The following GNAI3 variants were observed in gnomAD, a reference collection of about 807,000 sequenced individuals.
GNAI3 encodes the protein guanine nucleotide-binding protein G(i) subunit alpha-3.
Under a neutral mutation model 41.8 loss-of-function variants are expected in GNAI3, and 12 were observed. The ratio of observed to expected loss-of-function variants is 0.29; its 90% CI spans 0.18 to 0.47. The LOEUF is 0.47. Among genes scored for constraint, GNAI3 ranks in the 20% least tolerant of loss-of-function variants. The pLI is 1.00. For missense variants in GNAI3, 360 were observed against 429.6 expected (o/e 0.84, Z 1.43); for synonymous variants, 132 against 146.5 (o/e 0.90, Z 0.71).
Position 109,597,074 on chromosome 1 carries a change from T to C in GNAI3, c.*4752T>C, listed in dbSNP as rs2101116615. 2.0e-5 allele frequency: 3 copies of C among 152,322 alleles called. No individual in the cohort carries two copies. In the Middle Eastern group the frequency reaches 0.01, roughly 518 times the overall value. 9.4% of individuals were successfully genotyped at this position (152,322 alleles called of 1,614,324 possible). On this transcript the variant is annotated 3_prime_UTR_variant, in exon 9 of 9. Transcript: ENST00000369851. ...AAATCCAAAATGCCCCAGTGTGTGC[T>C]TCCTTTGAGTGTTATGTTGTTACCC...
chr1:109,575,473 C>T (rs1648712605), intron 3 of GNAI3, among the ~76,000 whole-genome samples: 1 of 150,740 alleles, frequency 6.6e-6, no homozygotes, highest in Admixed American at 6.6e-5. Context: ...TTTCTCTTTC[C>T]CTCTTTAATT....
rs1649369600 is a variant in GNAI3 at position 109,598,472 on chromosome 1, A to G, written c.*6150A>G. 6.4e-6 allele frequency: 1 copy of G among 155,138 alleles called. No individual in the cohort carries two copies. Among genetic ancestry groups the G allele is most frequent in the Non-Finnish European group, 1.4e-5 (1 of 69,740 alleles). The allele number at this position is 155,138 out of a possible 1,614,324, so 9.6% of individuals were successfully genotyped here. A position where few individuals can be genotyped will look rare whatever the true frequency, so the allele number is the denominator to read the frequency against. On this transcript the variant is annotated 3_prime_UTR_variant, in exon 9 of 9. Transcript: ENST00000369851. ...GTGGTTCTCATCAGATAGAAATAAC[A>G]TATTTGAAAATGCTTTGTAAATGTT...
intron 1 of GNAI3, among the ~76,000 whole-genome samples, chr1:109,550,852 C>T (rs1571144649): frequency 6.6e-6 from 1 of 152,030 alleles, no homozygotes; most frequent in Non-Finnish European, 1.5e-5. Context: ...CTTTATTGAT[C>T]GATTGGTTAT....
intron 7 of GNAI3, among the ~76,000 whole-genome samples, chr1:109,590,904 T>C (rs992976415): frequency 1.3e-5 from 2 of 152,184 alleles, no homozygotes; most frequent in African/African-American, 2.4e-5. Flanking sequence ...TGGTCTTCTT[T>C]ATATCTTTGT....
Position 109,592,451 on chromosome 1 carries a change from C to T in GNAI3, c.*129C>T, listed in dbSNP as rs1426727330. 2.5e-6 allele frequency: 1 copy of T among 399,908 alleles called. No individual in the cohort carries two copies. The highest frequency in any genetic ancestry group is 3.5e-5 in the East Asian group (1 of 28,476). 24.8% of individuals were successfully genotyped at this position (399,908 alleles called of 1,614,324 possible). ...GGCAGCAGCATGCAGAATCTTAGCA[C>T]TCTTTAGCACAATATTTTGTATTAG... On this transcript the variant is annotated 3_prime_UTR_variant, in exon 9 of 9. Coordinates refer to ENST00000369851, the MANE Select transcript of GNAI3 (RefSeq NM_006496.4).
At position 109,582,440 on chromosome 1, in the gene GNAI3, T is replaced by C. The variant is rs1648919521; in HGVS notation, c.465T>C (p.Tyr155=). The change falls in exon 5 of 9, where the codon TAT becomes TAC. Residue 155 remains tyrosine, a synonymous_variant. Coordinates refer to ENST00000369851, the MANE Select transcript of GNAI3 (RefSeq NM_006496.4). ...EYQLNDSASY[Y]LNDLDRISQS... ...AGTAAACGTGTCTTTTATTTAGTTA[T>C]CTAAATGATCTGGATAGAATATCCC... 6.2e-7 allele frequency: 1 copy of C among 1,605,814 alleles called. No homozygotes were observed. The highest frequency in any genetic ancestry group is 8.5e-7 in the Non-Finnish European group (1 of 1,172,804).
chr1:109,548,897 C>T (rs1647901309), intron 1 of GNAI3, 59 bp downstream of exon 1: 5 of 1,157,318 alleles, frequency 4.3e-6, no homozygotes, highest in African/African-American at 1.5e-5. Flanking sequence ...GCTTGGAAGG[C>T]CTGAACGGGG....
At chr1:109,573,619 C>T in intron 1 of GNAI3, 118 bp from the exon 2 acceptor site, 1 of 765,636 alleles carries the variant, frequency 1.3e-6, no homozygotes, top group East Asian at 2.5e-5. Flanking sequence ...ATGAAAGCCT[C>T]ACCAAAATTT....
At chr1:109,586,190 A>T (rs1205611590) in intron 5 of GNAI3, 26 bp from the exon 6 acceptor site, 4 of 1,609,338 alleles carry the variant, frequency 2.5e-6, no homozygotes, top group Non-Finnish European at 8.5e-7. Context: ...GACCTTGCTG[A>T]ATTTGCTTTC....
chr1:109,600,114 G>T lies in GNAI3; in HGVS notation c.*7792G>T. On this transcript the variant is annotated 3_prime_UTR_variant, in exon 9 of 9. Coordinates refer to ENST00000369851, the MANE Select transcript of GNAI3 (RefSeq NM_006496.4). ...TGCCAGAAAATAGGGTTAAATATTT[G>T]TTTCTGATCTGGTTACAAAAAAAAA... 1 of 142,174 alleles carries T rather than the reference G, an allele frequency of 7.0e-6. No individual in the cohort carries two copies. The allele number at this position is 142,174 out of a possible 1,614,324, so 8.8% of individuals were successfully genotyped here.
At chr1:109,585,142 C>T (rs1649001606) in intron 5 of GNAI3, among the ~76,000 whole-genome samples, 1 of 152,172 alleles carries the variant, frequency 6.6e-6, no homozygotes, top group African/African-American at 2.4e-5. Context: ...TACATTAAAC[C>T]AGTTTGGCAG....
Position 109,597,684 on chromosome 1 carries a change from A to G in GNAI3, c.*5362A>G, listed in dbSNP as rs1321933168. 6.6e-6 allele frequency: 1 copy of G among 152,174 alleles called. No homozygotes were observed. Among genetic ancestry groups the G allele is most frequent in the Non-Finnish European group, 1.5e-5 (1 of 68,018 alleles). 9.4% of individuals were successfully genotyped at this position (152,174 alleles called of 1,614,324 possible). A position where few individuals can be genotyped will look rare whatever the true frequency, so the allele number is the denominator to read the frequency against. ...ATTTAGTTTTATACAAAATTAAGAC[A>G]ACAAGAAACCTAGGATGTCCAAACA... On this transcript the variant is annotated 3_prime_UTR_variant, in exon 9 of 9. Transcript: ENST00000369851.
In GNAI3 at chr1:109,595,517, A is replaced by G. The variant is rs1185677771; in HGVS notation, c.*3195A>G. 1 of 152,154 alleles carries G rather than the reference A, an allele frequency of 6.6e-6. No homozygotes were observed. Among genetic ancestry groups the G allele is most frequent in the African/African-American group, 2.4e-5 (1 of 41,434 alleles). The allele number at this position is 152,154 out of a possible 1,614,324, so 9.4% of individuals were successfully genotyped here. A position where few individuals can be genotyped will look rare whatever the true frequency, so the allele number is the denominator to read the frequency against. On this transcript the variant is annotated 3_prime_UTR_variant, in exon 9 of 9. Coordinates refer to ENST00000369851, the MANE Select transcript of GNAI3 (RefSeq NM_006496.4). ...TGCCTTGTTTTTTTAATTTTCATAT[A>G]TATTCTATTTGTTGTATATACACAT...
Position 109,593,647 on chromosome 1 carries a change from T to G in GNAI3, c.*1325T>G, listed in dbSNP as rs1222793081. ...AGGGTTTCCTGAAAGTCTAGTCTTT[T>G]GGTGTAATAGTATTGTTGAACCTTA... On this transcript the variant is annotated 3_prime_UTR_variant, in exon 9 of 9. Coordinates refer to ENST00000369851, the MANE Select transcript of GNAI3 (RefSeq NM_006496.4). 1 of 152,668 alleles carries G rather than the reference T, an allele frequency of 6.6e-6. No individual in the cohort carries two copies. Among genetic ancestry groups the G allele is most frequent in the Non-Finnish European group, 1.5e-5 (1 of 68,044 alleles). 9.5% of individuals were successfully genotyped at this position (152,668 alleles called of 1,614,324 possible).
intron 1 of GNAI3, among the ~76,000 whole-genome samples, chr1:109,557,917 G>A (rs2101090857): frequency 6.6e-6 from 1 of 152,294 alleles, no homozygotes; most frequent in African/African-American, 2.4e-5. Context: ...TCTATTAAAT[G>A]CATGGCCAGA....
chr1:109,586,290 T>C lies in GNAI3; in HGVS notation c.665T>C (p.Ile222Thr). 1.9e-6 allele frequency: 3 copies of C among 1,613,220 alleles called. No homozygotes were observed. The highest frequency in any genetic ancestry group is 2.2e-5 in the East Asian group (1 of 44,866). The stretch of plus-strand genomic sequence containing the variant: ...TGTTTTGAGGGAGTGACAGCAATTA[T>C]CTTCTGTGTGGCCCTCAGTGATTAT... ...IHCFEGVTAI[I>T]FCVALSDYDL... Residue 222 changes from isoleucine to threonine, a missense_variant, in exon 6 of 9, where the codon ATC becomes ACC. Transcript: ENST00000369851.
chr1:109,555,985 T>C (rs1339690504), intron 1 of GNAI3, among the ~76,000 whole-genome samples: 57 of 150,962 alleles, frequency 3.8e-4, no homozygotes, highest in South Asian at 6.3e-4. Context: ...TGTGTGTGTG[T>C]GTGTGTGTGT....
rs1017747206 is a variant in GNAI3 at position 109,598,094 on chromosome 1, A to G, written c.*5772A>G. ...TCTGTGACAGCAGGAATATTAAATT[A>G]TGAACAACCTGGTTTATCTGTCTCC... On this transcript the variant is annotated 3_prime_UTR_variant, in exon 9 of 9. Transcript: ENST00000369851. 1 of 152,254 alleles carries G rather than the reference A, an allele frequency of 6.6e-6. No individual in the cohort carries two copies. Among genetic ancestry groups the G allele is most frequent in the Non-Finnish European group, 1.5e-5 (1 of 68,042 alleles). The allele number at this position is 152,254 out of a possible 1,614,324, so 9.4% of individuals were successfully genotyped here.
chr1:109,600,057 T>C lies in GNAI3; in HGVS notation c.*7735T>C, dbSNP rs1215249615. On this transcript the variant is annotated 3_prime_UTR_variant, in exon 9 of 9. Coordinates refer to ENST00000369851, the MANE Select transcript of GNAI3 (RefSeq NM_006496.4). The stretch of plus-strand genomic sequence containing the variant: ...GGCTGGACTATTTTTAAGTTTGTTC[T>C]AACTTTAGCAGTCTTAAGAATTAAG... 6.6e-6 allele frequency: 1 copy of C among 151,936 alleles called. No individual in the cohort carries two copies. The highest frequency in any genetic ancestry group is 1.9e-4 in the East Asian group (1 of 5,182). 9.4% of individuals were successfully genotyped at this position (151,936 alleles called of 1,614,324 possible). A position where few individuals can be genotyped will look rare whatever the true frequency, so the allele number is the denominator to read the frequency against.
Sources: gnomAD v4.1 joint callset for allele counts (sites outside exome capture counted in the v4.1 genomes callset) on GRCh38, gnomAD v4.1.1 for gene constraint, MANE v1.5 for transcripts, NCBI Gene and HGNC (gene_info 2026-07-23, HGNC 2026-07-21) for gene names.